P2RX1: variants seen among roughly 807,000 people sequenced by gnomAD.
The protein encoded by P2RX1 is P2X purinoceptor 1.
In P2RX1, 42 loss-of-function variants were observed where a neutral mutation model predicts 50.3. The observed-to-expected ratio is 0.83, with a 90% CI of 0.65 to 1.08. P2RX1 has a LOEUF of 1.08. Ranked by LOEUF, P2RX1 falls within the 50% of genes least tolerant of loss-of-function variation. P2RX1 has a pLI of 0.00. For synonymous variants in P2RX1, 199 were observed against 202.6 expected (o/e 0.98, Z 0.15); for missense variants, 449 against 529.0 (o/e 0.85, Z 1.48).
At position 3,903,346 on chromosome 17, in the gene P2RX1, G is replaced by T. The variant is rs910225875; in HGVS notation, c.606-3C>A. 5.6e-6 allele frequency: 9 copies of T among 1,614,074 alleles called. No homozygotes were observed. Among genetic ancestry groups the T allele is most frequent in the Non-Finnish European group, 7.6e-6 (9 of 1,180,020 alleles). On this transcript the variant is annotated splice_region_variant and splice_polypyrimidine_tract_variant and intron_variant, in intron 6 of 11. Transcript: ENST00000225538. The surrounding 1 kb of genome is among the most constrained non-coding windows in gnomAD (Gnocchi z 4.6). ...TCACCTCCTCCACCAGGTTGCGCCT[G>T]TGGGGGTGGAAGGTGTTGACAGCTG...
chr17:3,904,239 G>T, intron 4 of P2RX1, 91 bp downstream of exon 4: 1 of 1,295,790 alleles, frequency 7.7e-7, no homozygotes, highest in Non-Finnish European at 1.1e-6. Context: ...GAGGGGTGTG[G>T]AGAGAGGCAG....
rs1032259675 is a variant in P2RX1 at position 3,903,891 on chromosome 17, A to G, written c.524+37T>C. 1 of 1,535,470 alleles carries G rather than the reference A, an allele frequency of 6.5e-7. No individual in the cohort carries two copies. Among genetic ancestry groups the G allele is most frequent in the Non-Finnish European group, 9.0e-7 (1 of 1,108,376 alleles). On this transcript the variant is annotated intron_variant, in intron 5 of 11. Coordinates refer to ENST00000225538, the MANE Select transcript of P2RX1 (RefSeq NM_002558.4). This position sits in a 1 kb window ranked among gnomAD's most constrained non-coding sequence, Gnocchi z 4.6. ...TAGGCCCCCCTCTGTCTGGCCTGGG[A>G]CCCTGTTCTTAGCTCTCTGGAAGGT...
chr17:3,915,949 C>A, intron 1 of P2RX1, 140 bp downstream of exon 1: 1 of 1,031,966 alleles, frequency 9.7e-7, no homozygotes, highest in Non-Finnish European at 1.5e-6. Context: ...TTTCTATTCT[C>A]GCACAGTGGC....
Position 3,916,403 on chromosome 17 carries a change from T to G in P2RX1, c.-178A>C. 3.1e-6 allele frequency: 2 copies of G among 647,396 alleles called. No individual in the cohort carries two copies. The highest frequency in any genetic ancestry group is 3.8e-5 in the South Asian group (2 of 52,276). 40.1% of individuals were successfully genotyped at this position (647,396 alleles called of 1,614,324 possible). A position where few individuals can be genotyped will look rare whatever the true frequency, so the allele number is the denominator to read the frequency against. On this transcript the variant is annotated 5_prime_UTR_variant, in exon 1 of 12. Coordinates refer to ENST00000225538, the MANE Select transcript of P2RX1 (RefSeq NM_002558.4). Reference sequence around the variant, plus strand: ...GAGCCAGAGGTCAGCTGGAGGCACTTGGGTTGGAGAGAGAATCCCTGGGTG... The same window carrying G: ...GAGCCAGAGGTCAGCTGGAGGCACTGGGGTTGGAGAGAGAATCCCTGGGTG...
intron 4 of P2RX1, 113 bp downstream of exon 4, chr17:3,904,217 C>G (rs1339713738): frequency 8.5e-7 from 1 of 1,180,234 alleles, no homozygotes; most frequent in African/African-American, 1.5e-5. Context: ...CTCCCGGAGG[C>G]CGCCTCGGCG....
intron 7 of P2RX1, among the ~76,000 whole-genome samples, chr17:3,902,825 T>C (rs1567651206): frequency 6.6e-6 from 1 of 151,776 alleles, no homozygotes; most frequent in South Asian, 2.1e-4. Context: ...GCCAGACTAG[T>C]CTCAAACTCC....
intron 1 of P2RX1, chr17:3,915,824 A>G (rs1243754148): frequency 1.6e-6 from 1 of 610,842 alleles, no homozygotes; most frequent in Non-Finnish European, 3.1e-6. Context: ...CAAAGGAACC[A>G]TAACACTGAG....
chr17:3,897,781 C>T lies in P2RX1; in HGVS notation c.*33G>A, dbSNP rs142198201. 814 of 1,602,514 alleles carry T rather than the reference C, an allele frequency of 5.1e-4. 9 individuals carry two copies. The East Asian group carries it at 0.015, about 30-fold the overall frequency. ...ACCAGGGCTCCAGGCTGAAGCCTCACGCTGCACCCAGTCAGGAGTTGGGGC... is the reference window on the plus strand; with the variant it reads ...ACCAGGGCTCCAGGCTGAAGCCTCATGCTGCACCCAGTCAGGAGTTGGGGC... On this transcript the variant is annotated 3_prime_UTR_variant, in exon 12 of 12. Coordinates refer to ENST00000225538, the MANE Select transcript of P2RX1 (RefSeq NM_002558.4).
chr17:3,904,756 G>T, intron 3 of P2RX1, 102 bp downstream of exon 3: 1 of 892,328 alleles, frequency 1.1e-6, no homozygotes, highest in Non-Finnish European at 1.8e-6. Context: ...GGCCCCTGCA[G>T]GAAGCCTCTC....
At chr17:3,909,962 G>A (rs886437072) in intron 1 of P2RX1, among the ~76,000 whole-genome samples, 3 of 145,894 alleles carry the variant, frequency 2.1e-5, no homozygotes, top group Non-Finnish European at 4.5e-5. Flanking sequence ...GTGATGTCCT[G>A]ATAAATTCTT....
chr17:3,916,064 G>A, intron 1 of P2RX1, 25 bp downstream of exon 1: 1 of 1,612,874 alleles, frequency 6.2e-7, no homozygotes, highest in South Asian at 1.1e-5. Context: ...GGCTGGTGCA[G>A]GCAGCGGGAG....
chr17:3,915,227 C>T (rs2056428850), intron 1 of P2RX1: 1 of 353,452 alleles, frequency 2.8e-6, no homozygotes. Flanking sequence ...ACAAGATGCA[C>T]CACACACAGG....
intron 1 of P2RX1, among the ~76,000 whole-genome samples, chr17:3,912,624 C>T (rs1338042592): frequency 6.6e-6 from 1 of 152,238 alleles, no homozygotes; most frequent in South Asian, 2.1e-4. Context: ...AGCCAACGCA[C>T]CCGGCCCACC....
At chr17:3,900,165 T>C (rs974751250) in intron 7 of P2RX1, among the ~76,000 whole-genome samples, 11 of 151,160 alleles carry the variant, frequency 7.3e-5, no homozygotes, top group African/African-American at 2.7e-4. Flanking sequence ...GAACAGACCA[T>C]TTTGGAGCCG....
In P2RX1 at chr17:3,914,996, G is replaced by A. The variant is rs2144090345; in HGVS notation, c.137+1093C>T. Among the ~76,000 whole-genome samples the A allele has an allele frequency of 6.6e-6, 1 of 152,240 alleles. No homozygotes were observed. Among genetic ancestry groups the A allele is most frequent in the East Asian group, 1.9e-4 (1 of 5,172 alleles). Reference sequence around the variant, plus strand: ...ACGCCAGAAGTTTCCGGGGGACTAGGACTTCATGGTCCTTGTTTGGGCCCT... The same window carrying A: ...ACGCCAGAAGTTTCCGGGGGACTAGAACTTCATGGTCCTTGTTTGGGCCCT... On this transcript the variant is annotated intron_variant, in intron 1 of 11. Coordinates refer to ENST00000225538, the MANE Select transcript of P2RX1 (RefSeq NM_002558.4). This position sits in a 1 kb window ranked among gnomAD's most constrained non-coding sequence, Gnocchi z 4.1.
chr17:3,912,240 C>T (rs1026707143), intron 1 of P2RX1, among the ~76,000 whole-genome samples: 4 of 152,200 alleles, frequency 2.6e-5, no homozygotes, highest in East Asian at 1.9e-4. Flanking sequence ...AGGATCCAGC[C>T]GGGCCTGAAA....
chr17:3,899,089 G>T, intron 8 of P2RX1, 65 bp from the exon 9 acceptor site: 1 of 1,102,276 alleles, frequency 9.1e-7, no homozygotes, highest in Non-Finnish European at 1.4e-6. Context: ...GGAGTTCTTA[G>T]CGCATCAGGG....
In P2RX1 at chr17:3,903,719, G is replaced by C; in HGVS notation, c.525-88C>G. ...AGCTTGGCACAGCAGGGGGTGGGCC[G>C]AGCCTCCGGGACCCGCCTGCAGCCC... On this transcript the variant is annotated intron_variant, in intron 5 of 11. Coordinates refer to ENST00000225538, the MANE Select transcript of P2RX1 (RefSeq NM_002558.4). This position sits in a 1 kb window ranked among gnomAD's most constrained non-coding sequence, Gnocchi z 4.6. 1 of 1,405,878 alleles carries C rather than the reference G, an allele frequency of 7.1e-7. No homozygotes were observed. The highest frequency in any genetic ancestry group is 1.2e-5 in the South Asian group (1 of 86,582). 87.1% of individuals were successfully genotyped at this position (1,405,878 alleles called of 1,614,324 possible).
chr17:3,916,265 GCCTCTGCT>G lies in P2RX1; in HGVS notation c.-48_-41del, dbSNP rs749496608. ...GGCTCAGAACTGAGCCCCCTGCACG[GCCTCTGCT>G]CTCAGGGTGAGCCGGGTGCCACCAC... On this transcript the variant is annotated 5_prime_UTR_variant, in exon 1 of 12. Coordinates refer to ENST00000225538, the MANE Select transcript of P2RX1 (RefSeq NM_002558.4). The G allele has an allele frequency of 6.2e-6, 10 of 1,603,824 alleles. No individual in the cohort carries two copies. In the African/African-American group the frequency reaches 1.2e-4, roughly 19 times the overall value.
Sources: gnomAD v4.1 joint callset for allele counts (sites outside exome capture counted in the v4.1 genomes callset) on GRCh38, gnomAD v4.1.1 for gene constraint, Gnocchi (gnomAD v3.1) non-coding constraint, MANE v1.5 for transcripts, NCBI Gene and HGNC (gene_info 2026-07-23, HGNC 2026-07-21) for gene names.